The following GABRG2 variants were observed in gnomAD, a reference collection of about 807,000 sequenced individuals.
The protein encoded by GABRG2 is gamma-aminobutyric acid type A receptor subunit gamma2, also known as gamma-aminobutyric acid receptor subunit gamma-2.
GABRG2 carries 16 observed loss-of-function variants against 56.4 expected under a neutral mutation model. The ratio of observed to expected loss-of-function variants is 0.28; its 90% CI spans 0.19 to 0.43. The LOEUF (loss-of-function observed/expected upper bound fraction) is 0.43. Ranked by LOEUF, GABRG2 falls within the 20% of genes least tolerant of loss-of-function variation. The pLI, the probability that GABRG2 is intolerant of heterozygous loss-of-function variation, is 1.00. For missense variants in GABRG2, 327 were observed against 582.7 expected (o/e 0.56, Z 4.52); for synonymous variants, 208 against 205.5 (o/e 1.01, Z -0.10).
chr5:162,067,843 T>C lies in GABRG2; in HGVS notation c.-157T>C. 1 of 657,008 alleles carries C rather than the reference T, an allele frequency of 1.5e-6. No homozygotes were observed. 40.7% of individuals were successfully genotyped at this position (657,008 alleles called of 1,614,324 possible). ...TTATCTCTGCCCCCTGAATATTAAT[T>C]CCCTAATCTGGTAGCAATCCATCTC... On this transcript the variant is annotated 5_prime_UTR_variant, in exon 1 of 10. Coordinates refer to ENST00000639213, the MANE Select transcript of GABRG2 (RefSeq NM_198904.4).
At position 162,134,913 on chromosome 5, in the gene GABRG2, A is replaced by C. The variant is rs752539422; in HGVS notation, c.770-7251A>C. 5.7e-4 allele frequency among the ~76,000 whole-genome samples: 87 copies of C among 152,298 alleles called. 1 individual carries two copies. Among genetic ancestry groups the C allele is most frequent in the Admixed American group, 2.2e-3 (33 of 15,290 alleles). ...AGTTCTCCACTCCTGCCCTCGGTGG[A>C]TATTCAGATGGAGTCTTTAAAGGAT... On this transcript the variant is annotated intron_variant, in intron 6 of 9. Coordinates refer to ENST00000639213, the MANE Select transcript of GABRG2 (RefSeq NM_198904.4).
rs369614121 is a variant in GABRG2 at position 162,149,157 on chromosome 5, A to G, written c.972A>G (p.Lys324=). The change falls in exon 8 of 10, where the codon AAA becomes AAG. Residue 324 remains lysine (K), a synonymous_variant. Coordinates refer to ENST00000639213, the MANE Select transcript of GABRG2 (RefSeq NM_198904.4). Reference sequence around the variant, plus strand: ...CCACCCTCAGCACCATTGCCCGGAAATCGCTCCCCAAGGTCTCCTATGTCA... The same window carrying G: ...CCACCCTCAGCACCATTGCCCGGAAGTCGCTCCCCAAGGTCTCCTATGTCA... ...TMTTLSTIAR[K]SLPKVSYVTA... 59 of 1,613,938 alleles carry G rather than the reference A, an allele frequency of 3.7e-5. No individual in the cohort carries two copies. The highest frequency in any genetic ancestry group is 2.7e-5 in the Non-Finnish European group (32 of 1,180,006).
intron 6 of GABRG2, among the ~76,000 whole-genome samples, chr5:162,118,261 A>C (rs1762759659): frequency 6.6e-6 from 1 of 151,380 alleles, no homozygotes; most frequent in Admixed American, 6.6e-5. Context: ...TAATAAAAAC[A>C]CGTATTTTCA....
Position 162,153,350 on chromosome 5 carries a change from C to T in GABRG2, c.1410C>T (p.Val470=). 6.2e-7 allele frequency: 1 copy of T among 1,613,976 alleles called. No homozygotes were observed. Among genetic ancestry groups the T allele is most frequent in the Non-Finnish European group, 8.5e-7 (1 of 1,179,896 alleles). Residue 470 remains valine, a synonymous_variant, in exon 10 of 10, where the codon GTC becomes GTT. Coordinates refer to ENST00000639213, the MANE Select transcript of GABRG2 (RefSeq NM_198904.4). ...AFCLFNLVYW[V]SYLYL ...GCCTGTTTAATCTGGTCTATTGGGT[C>T]TCCTACCTCTACCTGTGAGGAGGTA...
rs747988447 is a variant in GABRG2, at chr5:162,103,947, C to T, written c.690C>T (p.Gly230=). The part of the protein sequence containing the change: ...YQWKRSSVEV[G]DTRSWRLYQF... ...GGAAGCGAAGTTCTGTTGAAGTGGG[C>T]GACACAAGATCCTGGAGGCTTTATC... The change falls in exon 6 of 10, where the codon GGC becomes GGT. Residue 230 remains glycine, a synonymous_variant. Transcript: ENST00000639213. 1.5e-5 allele frequency: 25 copies of T among 1,613,770 alleles called. No homozygotes were observed. Among genetic ancestry groups the T allele is most frequent in the African/African-American group, 1.2e-4 (9 of 74,972 alleles).
chr5:162,113,318 A>T (rs1484600107), intron 6 of GABRG2, among the ~76,000 whole-genome samples: 1 of 152,178 alleles, frequency 6.6e-6, no homozygotes, highest in Non-Finnish European at 1.5e-5. Context: ...AAAACACATC[A>T]TAGATGTCTA....
intron 1 of GABRG2, among the ~76,000 whole-genome samples, chr5:162,078,825 A>T (rs985911771): frequency 2.6e-5 from 4 of 152,008 alleles, no homozygotes; most frequent in Admixed American, 2.6e-4. Context: ...TTAAAAAGTG[A>T]GGTCATACAT....
chr5:162,075,969 A>G (rs1400366720), intron 1 of GABRG2, among the ~76,000 whole-genome samples: 2 of 151,050 alleles, frequency 1.3e-5, no homozygotes, highest in Non-Finnish European at 2.9e-5. Context: ...CCTGGGCAAC[A>G]TGGTGTGACC....
intron 6 of GABRG2, among the ~76,000 whole-genome samples, chr5:162,123,712 T>A (rs1763128622): frequency 6.6e-6 from 1 of 151,858 alleles, no homozygotes; most frequent in Non-Finnish European, 1.5e-5. Context: ...GTAGTAGCTA[T>A]GAGGACTTGT....
intron 1 of GABRG2, among the ~76,000 whole-genome samples, chr5:162,091,128 G>C (rs1162128916): frequency 6.6e-6 from 1 of 151,910 alleles, no homozygotes; most frequent in Non-Finnish European, 1.5e-5. Flanking sequence ...TAATGTAGAT[G>C]GCCATTATTT....
At chr5:162,117,021 A>G (rs527668386) in intron 6 of GABRG2, among the ~76,000 whole-genome samples, 1 of 152,262 alleles carries the variant, frequency 6.6e-6, no homozygotes, top group East Asian at 1.9e-4. Flanking sequence ...CAAGAATGAA[A>G]ATGTCTGTCT....
intron 6 of GABRG2, among the ~76,000 whole-genome samples, chr5:162,116,584 C>T (rs1470887814): frequency 6.6e-6 from 1 of 151,928 alleles, no homozygotes; most frequent in African/African-American, 2.4e-5. Context: ...ATGCACAATG[C>T]TTTCACACAA....
At chr5:162,135,837 G>C (rs1764084611) in intron 6 of GABRG2, among the ~76,000 whole-genome samples, 3 of 152,108 alleles carry the variant, frequency 2.0e-5, no homozygotes, top group Admixed American at 6.6e-5. Flanking sequence ...ACCCCAATCA[G>C]TGAAGAATCA....
intron 1 of GABRG2, among the ~76,000 whole-genome samples, chr5:162,083,235 A>G (rs1039246636): frequency 3.6e-4 from 55 of 151,876 alleles, no homozygotes; most frequent in South Asian, 1.0e-3. Context: ...ATTTTCAAAT[A>G]CATTCGATAC....
intron 7 of GABRG2, among the ~76,000 whole-genome samples, chr5:162,145,509 C>T (rs866185339): frequency 1.2e-4 from 18 of 152,276 alleles, no homozygotes; most frequent in Middle Eastern, 3.4e-3. Flanking sequence ...ACAATATAAA[C>T]CATCCCTACT....
chr5:162,149,496 T>G, intron 8 of GABRG2, 183 bp downstream of exon 8: 1 of 735,404 alleles, frequency 1.4e-6, no homozygotes, highest in Non-Finnish European at 2.5e-6. Flanking sequence ...GAGACTCAAG[T>G]CTGTTTCTAT....
intron 1 of GABRG2, among the ~76,000 whole-genome samples, chr5:162,080,940 G>T (rs1438526610): frequency 6.6e-6 from 1 of 152,008 alleles, no homozygotes; most frequent in Non-Finnish European, 1.5e-5. Flanking sequence ...TTTTTACAGA[G>T]CTAAATACTT....
chr5:162,071,062 C>A (rs1255554736), intron 1 of GABRG2, among the ~76,000 whole-genome samples: 1 of 151,260 alleles, frequency 6.6e-6, no homozygotes, highest in East Asian at 1.9e-4. Flanking sequence ...TATAACAAAG[C>A]ATAAGGAATA....
At chr5:162,139,022 A>C (rs1225700717) in intron 6 of GABRG2, among the ~76,000 whole-genome samples, 1 of 151,992 alleles carries the variant, frequency 6.6e-6, no homozygotes, top group Non-Finnish European at 1.5e-5. Flanking sequence ...AAAAAAAAAA[A>C]CCTGCCATTG....
Sources: allele counts gnomAD v4.1 joint callset (sites outside exome capture counted in the v4.1 genomes callset), GRCh38; gene constraint gnomAD v4.1.1; transcripts MANE v1.5; gene names NCBI Gene and HGNC (gene_info 2026-07-23, HGNC 2026-07-21).